Variants in SLC61A1 observed in about 807,000 individuals in gnomAD.
SLC61A1 encodes the protein major facilitator superfamily domain containing 5.
the SLC61A1 span, chr12:53,254,074 T>G: frequency 6.2e-7 from 1 of 1,614,114 alleles, no homozygotes; most frequent in Non-Finnish European, 8.5e-7. Flanking sequence ...GCATTTGCTC[T>G]GCTGTCATGG....
At chr12:53,251,954 G>C in the SLC61A1 span, 1 of 1,537,060 alleles carries the variant, frequency 6.5e-7, no homozygotes, top group Non-Finnish European at 8.7e-7. Context: ...CAGCGAGCGA[G>C]GCCAGGCCAG....
the SLC61A1 span, chr12:53,253,825 T>A: frequency 6.2e-7 from 1 of 1,614,204 alleles, no homozygotes; most frequent in South Asian, 1.1e-5. Flanking sequence ...TCATGTTGAC[T>A]TTCTCTACCA....
the SLC61A1 span, chr12:53,251,517 A>G: frequency 1.2e-5 from 7 of 564,414 alleles, no homozygotes; most frequent in African/African-American, 7.5e-5. Context: ...TCTTAACCCC[A>G]TGCTGCCACT....
At chr12:53,253,058 G>A in the SLC61A1 span, 1 of 1,614,228 alleles carries the variant, frequency 6.2e-7, no homozygotes. Context: ...CTTCCTGGAA[G>A]GTCAAATTGC....
the SLC61A1 span, chr12:53,253,452 C>T: frequency 1.9e-6 from 3 of 1,614,066 alleles, no homozygotes; most frequent in South Asian, 2.2e-5. Flanking sequence ...CCCTTTGTGG[C>T]TGCCATCCCT....
the SLC61A1 span, chr12:53,252,133 C>T: frequency 1.4e-6 from 2 of 1,440,542 alleles, no homozygotes; most frequent in South Asian, 2.9e-5. Context: ...AGAGGCCTGC[C>T]CGGCTCCCGG....
the SLC61A1 span, chr12:53,252,516 G>A: frequency 7.4e-7 from 1 of 1,360,050 alleles, no homozygotes; most frequent in Non-Finnish European, 9.5e-7. Flanking sequence ...AGCTGCTGTG[G>A]GAAAGGGCAG....
At chr12:53,252,069 C>CG in the SLC61A1 span, 1 of 1,465,898 alleles carries the variant, frequency 6.8e-7, no homozygotes, top group Non-Finnish European at 9.0e-7. Context: ...CGGGGCGGGG[C>CG]GGGGTTTTGG....
At chr12:53,254,293 C>A in the SLC61A1 span, 1 of 1,381,302 alleles carries the variant, frequency 7.2e-7, no homozygotes. Context: ...GTGGTTTCTC[C>A]TGCCATTGCT....
the SLC61A1 span, chr12:53,254,100 C>T: frequency 6.2e-7 from 1 of 1,614,186 alleles, no homozygotes; most frequent in Non-Finnish European, 8.5e-7. Context: ...GCTCTGCTGG[C>T]AGTGGTGGGA....
At chr12:53,253,246 T>C in the SLC61A1 span, 3 of 1,614,140 alleles carry the variant, frequency 1.9e-6, no homozygotes, top group Non-Finnish European at 8.5e-7. Context: ...GAGCACTTGG[T>C]GGGCTGTCCA....
the SLC61A1 span, chr12:53,252,704 T>C: frequency 1.5e-6 from 2 of 1,310,688 alleles, no homozygotes; most frequent in Admixed American, 2.6e-5. Context: ...GTCTGAGATC[T>C]TGGGGAGTGG....
chr12:53,254,272 G>A, the SLC61A1 span: 15 of 1,486,710 alleles, frequency 1.0e-5, no homozygotes, highest in Non-Finnish European at 1.3e-5. Flanking sequence ...GACTGACTTT[G>A]TGACTGTCCT....
the SLC61A1 span, chr12:53,251,601 G>A: frequency 1.4e-5 from 13 of 911,020 alleles, no homozygotes; most frequent in South Asian, 1.8e-4. Flanking sequence ...GAAGTTATGC[G>A]GCTTGCCCAA....
the SLC61A1 span, chr12:53,251,850 C>A: frequency 6.5e-7 from 1 of 1,537,316 alleles, no homozygotes; most frequent in Non-Finnish European, 8.7e-7. Context: ...GGGCATCTTT[C>A]CCGAGCACTG....
chr12:53,252,112 T>C, the SLC61A1 span: 1 of 1,448,812 alleles, frequency 6.9e-7, no homozygotes, highest in Non-Finnish European at 9.0e-7. Flanking sequence ...GAAGCCATCA[T>C]GGCGGCGGCC....
At chr12:53,253,309 A>G in the SLC61A1 span, 1 of 1,614,244 alleles carries the variant, frequency 6.2e-7, no homozygotes, top group Non-Finnish European at 8.5e-7. Context: ...AGCACGTGGA[A>G]CGGCATGACT....
chr12:53,253,406 G>A, the SLC61A1 span: 4 of 1,614,114 alleles, frequency 2.5e-6, no homozygotes, highest in South Asian at 4.4e-5. Flanking sequence ...GGCAGCTGAG[G>A]CTGTAGCCAG....
chr12:53,252,913 T>C, the SLC61A1 span: 1 of 1,614,216 alleles, frequency 6.2e-7, no homozygotes, highest in Non-Finnish European at 8.5e-7. Context: ...GATGCCGGGC[T>C]AAACCCCCTG....
Sources: gnomAD v4.1 joint callset for allele counts on GRCh38, gnomAD v4.1.1 for gene constraint, MANE v1.5 for transcripts, NCBI Gene and HGNC (gene_info 2026-07-23, HGNC 2026-07-21) for gene names.